OCA2: variants seen among roughly 807,000 people sequenced by gnomAD.
OCA2 encodes the protein OCA2 melanosomal transmembrane protein.
A neutral mutation model predicts 100.2 loss-of-function variants in OCA2; 77 were observed. The ratio of observed to expected loss-of-function variants is 0.77; its 90% CI spans 0.64 to 0.93. OCA2 has a LOEUF of 0.93. Ranked by LOEUF, OCA2 falls within the 40% of genes least tolerant of loss-of-function variation. OCA2 has a pLI of 0.00. For synonymous variants in OCA2, 432 were observed against 439.2 expected, an observed-to-expected ratio of 0.98 and a Z score of 0.21; for missense variants, 1,062 against 1,089.1, an observed-to-expected ratio of 0.98 and a Z score of 0.35.
At chr15:27,814,945 T>A (rs56194715) in intron 23 of OCA2, among the ~76,000 whole-genome samples, 1 of 107,352 alleles carries the variant, frequency 9.3e-6, no homozygotes, top group African/African-American at 3.4e-5. Flanking sequence ...GATAGATAGA[T>A]ACAGAGATAT....
At chr15:27,942,768 A>T (rs1399881657) in intron 18 of OCA2, among the ~76,000 whole-genome samples, 1 of 152,124 alleles carries the variant, frequency 6.6e-6, no homozygotes, top group Non-Finnish European at 1.5e-5. Flanking sequence ...ACCCACGGTG[A>T]GGATAGTAAG....
In OCA2 at chr15:27,845,021, G is replaced by A. The variant is rs772896521; in HGVS notation, c.2370C>T (p.Asn790=). 51 of 1,613,778 alleles carry A rather than the reference G, an allele frequency of 3.2e-5. No homozygotes were observed. Among genetic ancestry groups the A allele is most frequent in the African/African-American group, 1.9e-4 (14 of 74,826 alleles). Residue 790 remains asparagine (N), a synonymous_variant, in exon 23 of 24, where the codon AAC becomes AAT. Coordinates refer to ENST00000354638, the MANE Select transcript of OCA2 (RefSeq NM_000275.3). The stretch of plus-strand genomic sequence containing the variant: ...GTTCTGCAATCCCTGCACACACGAC[G>A]TTTGCCGACGCGCCAATCAGTGTCC... ...GNGTLIGASA[N]VVCAGIAEQH...
At chr15:27,877,912 G>A (rs935990803) in intron 19 of OCA2, among the ~76,000 whole-genome samples, 2 of 151,082 alleles carry the variant, frequency 1.3e-5, no homozygotes, top group African/African-American at 4.9e-5. Flanking sequence ...ATTCATTTCT[G>A]TGCCCATTTT....
chr15:27,839,316 C>A (rs2035265053), intron 23 of OCA2, among the ~76,000 whole-genome samples: 1 of 152,096 alleles, frequency 6.6e-6, no homozygotes, highest in African/African-American at 2.4e-5. Flanking sequence ...TAGAGAAACA[C>A]AGCAACTAAA....
chr15:27,891,123 G>A (rs2037442417), intron 19 of OCA2, among the ~76,000 whole-genome samples: 1 of 151,998 alleles, frequency 6.6e-6, no homozygotes, highest in Non-Finnish European at 1.5e-5. Context: ...CCTATGAGTT[G>A]TATAGATCGA....
chr15:27,962,032 C>G (rs1038251451), intron 15 of OCA2, among the ~76,000 whole-genome samples: 1 of 152,104 alleles, frequency 6.6e-6, no homozygotes, highest in Non-Finnish European at 1.5e-5. Context: ...CAAAATAAAT[C>G]TATTTCCCAG....
At chr15:27,842,383 T>C (rs981390280) in intron 23 of OCA2, among the ~76,000 whole-genome samples, 9 of 152,252 alleles carry the variant, frequency 5.9e-5, no homozygotes, top group African/African-American at 1.9e-4. Flanking sequence ...TAAATACTTA[T>C]CTACATCATG....
At chr15:27,798,073 G>T (rs957673942) in intron 23 of OCA2, among the ~76,000 whole-genome samples, 2 of 152,234 alleles carry the variant, frequency 1.3e-5, no homozygotes, top group African/African-American at 2.4e-5. Context: ...ACATGCCGTC[G>T]CTAGGCAAGC....
chr15:27,789,579 C>A (rs2032983211), intron 23 of OCA2, among the ~76,000 whole-genome samples: 1 of 152,156 alleles, frequency 6.6e-6, no homozygotes, highest in South Asian at 2.1e-4. Context: ...ACAGATGCAG[C>A]CCTGTGCACA....
At chr15:28,045,070 C>G (rs1017584369) in intron 2 of OCA2, among the ~76,000 whole-genome samples, 4 of 152,104 alleles carry the variant, frequency 2.6e-5, no homozygotes, top group African/African-American at 9.7e-5. Flanking sequence ...TTTAAATCTA[C>G]CATCTTGATA....
intron 19 of OCA2, among the ~76,000 whole-genome samples, chr15:27,894,231 C>G: frequency 6.6e-6 from 1 of 152,172 alleles, no homozygotes; most frequent in East Asian, 1.9e-4. Flanking sequence ...CTTTGTCTCC[C>G]ACTCCCACCA....
chr15:27,844,902 A>T, intron 23 of OCA2, 57 bp downstream of exon 23: 1 of 1,230,404 alleles, frequency 8.1e-7, no homozygotes, highest in Non-Finnish European at 1.2e-6. Flanking sequence ...TTTTTTAATT[A>T]AGTAAGCTTA....
chr15:28,026,697 G>A (rs2042758157), intron 4 of OCA2, among the ~76,000 whole-genome samples: 1 of 152,146 alleles, frequency 6.6e-6, no homozygotes, highest in African/African-American at 2.4e-5. Context: ...AGATGTATAG[G>A]ATAGCGGATC....
intron 23 of OCA2, among the ~76,000 whole-genome samples, chr15:27,795,451 A>G (rs1224811926): frequency 2.0e-5 from 3 of 151,426 alleles, no homozygotes; most frequent in Non-Finnish European, 4.4e-5. Context: ...CAAGCTCAGG[A>G]GTCTCCTTGA....
At position 28,046,065 on chromosome 15, in the gene OCA2, C is replaced by G. The variant is rs2043338468; in HGVS notation, c.228-13902G>C. Among the ~76,000 whole-genome samples, 3 of 152,156 alleles carry G rather than the reference C, an allele frequency of 2.0e-5. 1 individual carries two copies. In the South Asian group the frequency reaches 6.2e-4, roughly 32 times the overall value. On this transcript the variant is annotated intron_variant, in intron 2 of 23. Transcript: ENST00000354638. ...CTTCTATTTCAGGGGACCACAGAAC[C>G]AAGTCCCAGATAGTGGCCAGAGGAG...
intron 23 of OCA2, among the ~76,000 whole-genome samples, chr15:27,763,403 G>A (rs552270514): frequency 5.0e-4 from 76 of 152,272 alleles, no homozygotes; most frequent in African/African-American, 1.8e-3. Context: ...CCAGTCAAAG[G>A]ATTCTTATCT....
chr15:27,934,495 A>G (rs2039379620), intron 18 of OCA2, among the ~76,000 whole-genome samples: 1 of 152,350 alleles, frequency 6.6e-6, no homozygotes, highest in East Asian at 1.9e-4. Context: ...TTAAATTCTC[A>G]GTAAGAAATA....
chr15:28,041,954 T>C (rs1003480574), intron 2 of OCA2, among the ~76,000 whole-genome samples: 1 of 152,170 alleles, frequency 6.6e-6, no homozygotes, highest in Non-Finnish European at 1.5e-5. Flanking sequence ...TGCGTACACA[T>C]ACAGGAATTT....
intron 2 of OCA2, among the ~76,000 whole-genome samples, chr15:28,033,292 C>T (rs555195001): frequency 6.6e-6 from 1 of 152,326 alleles, no homozygotes; most frequent in African/African-American, 2.4e-5. Context: ...CTTACAGGAT[C>T]CCAGGCCAGG....
Sources: gnomAD v4.1 joint callset for allele counts (sites outside exome capture counted in the v4.1 genomes callset) on GRCh38, gnomAD v4.1.1 for gene constraint, MANE v1.5 for transcripts, NCBI Gene and HGNC (gene_info 2026-07-23, HGNC 2026-07-21) for gene names.